Variants in ITGB5 observed in about 807,000 individuals in gnomAD.
The protein encoded by ITGB5 is integrin subunit beta 5.
ITGB5 carries 38 observed loss-of-function variants against 84.8 expected under a neutral mutation model. The observed-to-expected ratio is 0.45, with a 90% CI of 0.35 to 0.59. The LOEUF (loss-of-function observed/expected upper bound fraction) is 0.59. Ranked by LOEUF, ITGB5 falls within the 20% of genes least tolerant of loss-of-function variation. ITGB5 has a pLI of 0.01. For missense variants in ITGB5, 905 were observed against 1,034.5 expected (o/e 0.87, Z 1.72); for synonymous variants, 393 against 414.4 (o/e 0.95, Z 0.63).
intron 8 of ITGB5, among the ~76,000 whole-genome samples, chr3:124,817,393 TGA>T (rs1420507864): frequency 6.6e-6 from 1 of 152,138 alleles, no homozygotes; most frequent in Non-Finnish European, 1.5e-5. Context: ...GATCTGCAGA[TGA>T]GAGTCAAGAT....
intron 10 of ITGB5, among the ~76,000 whole-genome samples, chr3:124,775,949 C>T (rs976328190): frequency 6.6e-6 from 1 of 152,238 alleles, no homozygotes; most frequent in Admixed American, 6.5e-5. Context: ...CTCAGACAGC[C>T]TCTCTGCTTA....
chr3:124,798,055 C>CTTTTTTTT lies in ITGB5; in HGVS notation c.1264-1246_1264-1239dup, dbSNP rs60292129. 1.4e-4 allele frequency among the ~76,000 whole-genome samples: 14 copies of CTTTTTTTT among 103,642 alleles called. 2 individuals carry two copies. Among genetic ancestry groups the CTTTTTTTT allele is most frequent in the African/African-American group, 3.6e-4 (9 of 25,022 alleles). The allele number at this position is 103,642 out of a possible 152,430, so 68.0% of individuals were successfully genotyped here. A position where few individuals can be genotyped will look rare whatever the true frequency, so the allele number is the denominator to read the frequency against. On this transcript the variant is annotated intron_variant, in intron 9 of 14. Coordinates refer to ENST00000296181, the MANE Select transcript of ITGB5 (RefSeq NM_002213.5). ...TTCTATTCTTTCGGCTAGAATAAAGCTTTTTTTTTTTTTTTTGAGGTGGAG... is the reference window on the plus strand; with the variant it reads ...TTCTATTCTTTCGGCTAGAATAAAGCTTTTTTTTTTTTTTTTTTTTTTTTGAGGTGGAG...
intron 10 of ITGB5, among the ~76,000 whole-genome samples, chr3:124,782,019 C>T (rs1013047090): frequency 6.6e-6 from 1 of 152,184 alleles, no homozygotes; most frequent in African/African-American, 2.4e-5. Flanking sequence ...GTATGTTGTA[C>T]TTCAATGTTT....
At chr3:124,801,921 A>C (rs1308510220) in intron 9 of ITGB5, among the ~76,000 whole-genome samples, 1 of 152,088 alleles carries the variant, frequency 6.6e-6, no homozygotes, top group Non-Finnish European at 1.5e-5. Flanking sequence ...GATGCTCTTC[A>C]CACCCTAGCA....
At chr3:124,798,073 A>ATTTTTTTTTTTTT (rs2064259971) in intron 9 of ITGB5, among the ~76,000 whole-genome samples, 3 of 42,150 alleles carry the variant, frequency 7.1e-5, no homozygotes, top group Admixed American at 3.3e-4. Context: ...TTTTTTTTTG[A>ATTTTTTTTTTTTT]GGTGGAGTCT....
At chr3:124,888,685 T>C (rs1934926323), upstream of ITGB5, among the ~76,000 whole-genome samples, 1 of 152,170 alleles carries the variant, frequency 6.6e-6, no homozygotes, top group Non-Finnish European at 1.5e-5. Flanking sequence ...AAGTGACAGC[T>C]AGGATGCCTC....
chr3:124,771,424 CAG>C (rs2063842148), intron 11 of ITGB5, among the ~76,000 whole-genome samples: 1 of 152,080 alleles, frequency 6.6e-6, no homozygotes, highest in Admixed American at 6.5e-5. Context: ...GTGAAAGAGA[CAG>C]AGGGTCAGTG....
chr3:124,878,070 C>T (rs1157233407), intron 1 of ITGB5, among the ~76,000 whole-genome samples: 2 of 152,100 alleles, frequency 1.3e-5, no homozygotes, highest in Non-Finnish European at 2.9e-5. Context: ...CTTCTGACTT[C>T]GACTCCTGAC....
intron 2 of ITGB5, among the ~76,000 whole-genome samples, chr3:124,865,786 C>G (rs1021734068): frequency 6.6e-6 from 1 of 151,868 alleles, no homozygotes; most frequent in Non-Finnish European, 1.5e-5. Context: ...CCATGCCTGG[C>G]CTTTTGCTGC....
intron 10 of ITGB5, among the ~76,000 whole-genome samples, chr3:124,781,480 T>C (rs978899234): frequency 3.3e-5 from 5 of 152,030 alleles, no homozygotes; most frequent in Non-Finnish European, 5.9e-5. Flanking sequence ...CATGTGCTGG[T>C]GTTGATTGTA....
chr3:124,863,998 AAG>A (rs989752560), intron 2 of ITGB5, among the ~76,000 whole-genome samples: 6 of 150,534 alleles, frequency 4.0e-5, no homozygotes, highest in African/African-American at 7.3e-5. Flanking sequence ...AAAAAAAAGA[AAG>A]AGAGAGAGAG....
rs369257743 is a variant in ITGB5 at position 124,790,432 on chromosome 3, C to T, written c.1693+5956G>A. 6.1e-3 allele frequency among the ~76,000 whole-genome samples: 835 copies of T among 136,384 alleles called. 4 individuals carry two copies. Among genetic ancestry groups the T allele is most frequent in the Middle Eastern group, 0.04 (10 of 252 alleles). The allele number at this position is 136,384 out of a possible 152,430, so 89.5% of individuals were successfully genotyped here. Reference sequence around the variant, plus strand: ...TTTGACTAGACAGGGTTATCAGAACCGCCTTTGACTAGACAGGGTTATCAG... The same window carrying T: ...TTTGACTAGACAGGGTTATCAGAACTGCCTTTGACTAGACAGGGTTATCAG... On this transcript the variant is annotated intron_variant, in intron 10 of 14. Transcript: ENST00000296181.
intron 9 of ITGB5, 31 bp from the exon 10 acceptor site, chr3:124,796,848 G>A: frequency 6.4e-7 from 1 of 1,557,922 alleles, no homozygotes; most frequent in Non-Finnish European, 8.7e-7. Flanking sequence ...GGATATCATG[G>A]CTGCGGCAAG....
intron 9 of ITGB5, among the ~76,000 whole-genome samples, chr3:124,805,362 C>G (rs537347162): frequency 4.0e-5 from 6 of 151,772 alleles, no homozygotes; most frequent in Non-Finnish European, 7.4e-5. Flanking sequence ...AGGCTGGTCT[C>G]GAACTCCTGA....
Position 124,817,663 on chromosome 3 carries a change from T to C in ITGB5, c.1086A>G (p.Gly362=). ...IPGTTVEILD[G]DSKNIIQLII... ...TCAGTTGAATAATATTTTTGGAGTC[T>C]CCATCTAAAATCTCCACCGTTGTTC... The change falls in exon 8 of 15, where the codon GGA becomes GGG. Residue 362 remains glycine, a synonymous_variant. Transcript: ENST00000296181. 6.3e-7 allele frequency: 1 copy of C among 1,592,830 alleles called. No individual in the cohort carries two copies. Among genetic ancestry groups the C allele is most frequent in the Non-Finnish European group, 8.6e-7 (1 of 1,169,312 alleles).
intron 1 of ITGB5, among the ~76,000 whole-genome samples, chr3:124,881,347 G>A (rs573059831): frequency 1.3e-5 from 2 of 152,240 alleles, no homozygotes; most frequent in East Asian, 3.9e-4. Context: ...GGGATCATCT[G>A]AGTACCAAGC....
intron 5 of ITGB5, among the ~76,000 whole-genome samples, chr3:124,839,187 G>A (rs577737024): frequency 3.3e-5 from 5 of 152,318 alleles, no homozygotes; most frequent in African/African-American, 1.2e-4. Context: ...TTTTGCAAAG[G>A]TCGTGGTGAG....
intron 1 of ITGB5, among the ~76,000 whole-genome samples, chr3:124,894,910 C>T (rs533483747): frequency 6.6e-6 from 1 of 152,168 alleles, no homozygotes; most frequent in African/African-American, 2.4e-5. Flanking sequence ...CGAACGATAG[C>T]TGATGAGCTT....
rs763162297 is a variant in ITGB5, at chr3:124,769,083, A to G, written c.1947T>C (p.Ser649=). ...RDCVECLLLH[S]GKPDNQTCHS... ...GGCAGGTCTGGTTGTCAGGTTTCCC[A>G]GAGTGGAGCAGCAGGCACTCGACGC... is the stretch of plus-strand genomic sequence containing the variant. The change falls in exon 12 of 15, where the codon TCT becomes TCC. Residue 649 remains serine, a synonymous_variant. Transcript: ENST00000296181. 2 of 1,613,954 alleles carry G rather than the reference A, an allele frequency of 1.2e-6. No individual in the cohort carries two copies. Among genetic ancestry groups the G allele is most frequent in the African/African-American group, 1.3e-5 (1 of 75,056 alleles).
Sources: allele counts gnomAD v4.1 joint callset (sites outside exome capture counted in the v4.1 genomes callset), GRCh38; gene constraint gnomAD v4.1.1; transcripts MANE v1.5; gene names NCBI Gene and HGNC (gene_info 2026-07-23, HGNC 2026-07-21).